The following MCTP2 variants were observed in gnomAD, a reference collection of about 807,000 sequenced individuals.
MCTP2 encodes the protein multiple C2 and transmembrane domain-containing protein 2.
MCTP2 carries 132 observed loss-of-function variants against 111.6 expected under a neutral mutation model. The observed-to-expected ratio is 1.18, with a 90% CI of 1.03 to 1.37. The LOEUF (loss-of-function observed/expected upper bound fraction) is 1.37, where lower values mean the gene tolerates loss of function less well. Among genes scored for constraint, MCTP2 ranks in the 40% most tolerant of loss-of-function variants. The probability of loss-of-function intolerance (pLI) is 0.00; values close to 1 mark genes in which losing one functional copy is unlikely to be tolerated. For synonymous variants in MCTP2, 395 were observed against 387.7 expected (o/e 1.02, Z -0.22); for missense variants, 1,183 against 1,067.9 (o/e 1.11, Z -1.50).
chr15:94,407,774 TGCAC>T (rs1156963252), intron 17 of MCTP2, among the ~76,000 whole-genome samples: 1 of 95,126 alleles, frequency 1.1e-5, no homozygotes, highest in Non-Finnish European at 2.1e-5. Flanking sequence ...CATGTACTTG[TGCAC>T]ACACACACAC....
intron 4 of MCTP2, among the ~76,000 whole-genome samples, chr15:94,328,321 G>A (rs1345483639): frequency 1.3e-5 from 2 of 151,722 alleles, no homozygotes; most frequent in Admixed American, 6.6e-5. Context: ...GTAGAGACGG[G>A]GTTTCACTGT....
At chr15:94,349,560 C>T (rs2078183539) in intron 8 of MCTP2, among the ~76,000 whole-genome samples, 1 of 152,050 alleles carries the variant, frequency 6.6e-6, no homozygotes, top group African/African-American at 2.4e-5. Flanking sequence ...CTCAGGAAAG[C>T]CCTCAGATAA....
In MCTP2 at chr15:94,479,031, C is replaced by T. The variant is rs767908712; in HGVS notation, c.2634C>T (p.Leu878=). Residue 878 remains leucine, a synonymous_variant, in exon 23 of 23, where the codon CTC becomes CTT. Transcript: ENST00000357742. ...CCCTGCGGAAGAAGCGCAGCGCTCTCTAGGGCACACACCGACTTTGGACAG... is the reference window on the plus strand; with the variant it reads ...CCCTGCGGAAGAAGCGCAGCGCTCTTTAGGGCACACACCGACTTTGGACAG... ...HSPLRKKRSA[L] is the part of the protein sequence containing the mutation. The T allele has an allele frequency of 1.2e-6, 2 of 1,613,928 alleles. No homozygotes were observed. The highest frequency in any genetic ancestry group is 2.7e-5 in the African/African-American group (2 of 74,948).
chr15:94,314,207 C>T, intron 2 of MCTP2, 75 bp from the exon 3 acceptor site: 1 of 1,000,156 alleles, frequency 1.0e-6, no homozygotes. Context: ...AGGAAAAGAC[C>T]TGATAGAGGG....
intron 1 of MCTP2, among the ~76,000 whole-genome samples, chr15:94,281,550 A>G (rs2074488000): frequency 1.3e-5 from 2 of 151,952 alleles, no homozygotes; most frequent in African/African-American, 2.4e-5. Flanking sequence ...TATTTAGCTT[A>G]TTTACATTCA....
chr15:94,468,619 G>T (rs913273747), intron 20 of MCTP2, among the ~76,000 whole-genome samples: 1 of 152,068 alleles, frequency 6.6e-6, no homozygotes, highest in African/African-American at 2.4e-5. Context: ...AATAGGCAAA[G>T]ATTAAAAACA....
chr15:94,439,405 G>C (rs945351834), intron 17 of MCTP2, among the ~76,000 whole-genome samples: 15 of 151,732 alleles, frequency 9.9e-5, no homozygotes, highest in Non-Finnish European at 1.9e-4. Flanking sequence ...AGTTTGAAAC[G>C]AAAGTGAGAC....
intron 21 of MCTP2, 97 bp downstream of exon 21, chr15:94,470,539 T>G: frequency 1.1e-6 from 1 of 942,678 alleles, no homozygotes; most frequent in Non-Finnish European, 1.7e-6. Flanking sequence ...TGTGCTCTTG[T>G]TGGCAATTAA....
chr15:94,470,914 A>T lies in MCTP2; in HGVS notation c.2470+472A>T, dbSNP rs531059096. On this transcript the variant is annotated intron_variant, in intron 21 of 22. Coordinates refer to ENST00000357742, the MANE Select transcript of MCTP2 (RefSeq NM_001385001.1). The stretch of plus-strand genomic sequence containing the variant: ...CATTCTTAAATCCAGAAGCAGGGAG[A>T]GGGAGGGGAGGGGGCGTTCTGTGAA... Among the ~76,000 whole-genome samples the T allele has an allele frequency of 1.1e-4, 16 of 152,228 alleles. 1 individual carries two copies. The South Asian group carries it at 3.3e-3, about 32-fold the overall frequency.
intron 1 of MCTP2, 97 bp downstream of exon 1, chr15:94,231,761 T>C (rs956570226): frequency 6.6e-6 from 1 of 152,246 alleles, no homozygotes; most frequent in Non-Finnish European, 1.5e-5. Flanking sequence ...AAGCTGGGAG[T>C]TGGGGAGCTG....
rs139357513 is a variant in MCTP2 at position 94,333,444 on chromosome 15, C to CA, written c.638-5837dup. Among the ~76,000 whole-genome samples, 56 of 148,572 alleles carry CA rather than the reference C, an allele frequency of 3.8e-4. 1 individual carries two copies. Among genetic ancestry groups the CA allele is most frequent in the South Asian group, 1.9e-3 (9 of 4,716 alleles). ...TAAAAACCATTGCCATGAGTTATATCAAAAAAAAAGCAAAGAGAAGTTGTT... is the reference window on the plus strand; with the variant it reads ...TAAAAACCATTGCCATGAGTTATATCAAAAAAAAAAGCAAAGAGAAGTTGTT... On this transcript the variant is annotated intron_variant, in intron 4 of 22. Coordinates refer to ENST00000357742, the MANE Select transcript of MCTP2 (RefSeq NM_001385001.1).
chr15:94,440,334 C>G (rs768255726), intron 18 of MCTP2, 36 bp downstream of exon 18: 4 of 1,610,406 alleles, frequency 2.5e-6, no homozygotes, highest in East Asian at 2.2e-5. Flanking sequence ...ATTTGACTGC[C>G]GAGAAATGTG....
rs796755565 is a variant in MCTP2, at chr15:94,390,098, A to ATATGTATATATATATATATGTATATG, written c.1788+4576_1788+4577insGTATATATATATATATGTATATGTAT. On this transcript the variant is annotated intron_variant, in intron 14 of 22. Coordinates refer to ENST00000357742, the MANE Select transcript of MCTP2 (RefSeq NM_001385001.1). ...TATATATATATATATATGTATATAT[A>ATATGTATATATATATATATGTATATG]TATATATATATATATGTATATATAT... 2.2e-3 allele frequency among the ~76,000 whole-genome samples: 74 copies of ATATGTATATATATATATATGTATATG among 34,412 alleles called. 2 individuals are homozygous for ATATGTATATATATATATATGTATATG. In the East Asian group the frequency reaches 0.029, roughly 14 times the overall value. The allele number at this position is 34,412 out of a possible 152,430, so 22.6% of individuals were successfully genotyped here. A position where few individuals can be genotyped will look rare whatever the true frequency, so the allele number is the denominator to read the frequency against.
At chr15:94,348,695 C>T (rs1363801980) in intron 8 of MCTP2, among the ~76,000 whole-genome samples, 2 of 151,032 alleles carry the variant, frequency 1.3e-5, no homozygotes, top group Non-Finnish European at 2.9e-5. Flanking sequence ...TGTGTTGGCC[C>T]AGGAAGTAGT....
intron 17 of MCTP2, among the ~76,000 whole-genome samples, chr15:94,424,418 G>A (rs1406550239): frequency 6.6e-6 from 1 of 152,122 alleles, no homozygotes; most frequent in South Asian, 2.1e-4. Flanking sequence ...CCAGTGAGGT[G>A]CCTGGAGGGC....
rs780831962 is a variant in MCTP2 at position 94,399,948 on chromosome 15, C to G, written c.1918C>G (p.Pro640Ala). ...GAAAGCAAGTATTAGGACTTTTACT[C>G]CCCGGGAAAAGCGCTTTGTTGAAGA... ...PVKASIRTFT[P>A]REKRFVEDSR... Residue 640 changes from proline to alanine, a missense_variant, in exon 16 of 23, where the codon CCC becomes GCC. Pro to Ala is a conservative substitution (Grantham distance 27). Coordinates refer to ENST00000357742, the MANE Select transcript of MCTP2 (RefSeq NM_001385001.1). 1 of 1,613,790 alleles carries G rather than the reference C, an allele frequency of 6.2e-7. No individual in the cohort carries two copies. The highest frequency in any genetic ancestry group is 8.5e-7 in the Non-Finnish European group (1 of 1,179,860).
intron 2 of MCTP2, among the ~76,000 whole-genome samples, chr15:94,302,625 C>G (rs1386603237): frequency 2.6e-5 from 4 of 152,214 alleles, no homozygotes; most frequent in African/African-American, 9.6e-5. Context: ...TCATAGGAAC[C>G]TGGTTTCGAC....
chr15:94,383,847 CT>C (rs1260955228), intron 12 of MCTP2, among the ~76,000 whole-genome samples, 174 bp from the exon 13 acceptor site: 5 of 152,212 alleles, frequency 3.3e-5, no homozygotes, highest in African/African-American at 4.8e-5. Context: ...AGGTACAACA[CT>C]TGTAGCCTCT....
At chr15:94,414,206 T>C (rs1039187742) in intron 17 of MCTP2, among the ~76,000 whole-genome samples, 3 of 152,218 alleles carry the variant, frequency 2.0e-5, no homozygotes, top group Non-Finnish European at 2.9e-5. Flanking sequence ...CCCTAAGTCT[T>C]ATGGTAAAGT....
Sources: allele counts gnomAD v4.1 joint callset (sites outside exome capture counted in the v4.1 genomes callset), GRCh38; gene constraint gnomAD v4.1.1; transcripts MANE v1.5; gene names NCBI Gene and HGNC (gene_info 2026-07-23, HGNC 2026-07-21).